The following LSM14A variants were observed in gnomAD, a reference collection of about 807,000 sequenced individuals.
The protein encoded by LSM14A is protein LSM14 homolog A.
Under a neutral mutation model 52.4 loss-of-function variants are expected in LSM14A, and 14 were observed. The ratio of observed to expected loss-of-function variants is 0.27; its 90% CI spans 0.18 to 0.42. The LOEUF (loss-of-function observed/expected upper bound fraction) is 0.42, where lower values mean the gene tolerates loss of function less well. Ranked by LOEUF, LSM14A falls within the 10% of genes least tolerant of loss-of-function variation. The probability of loss-of-function intolerance (pLI) is 1.00; values close to 1 mark genes in which losing one functional copy is unlikely to be tolerated. For synonymous variants in LSM14A, 185 were observed against 200.3 expected (o/e 0.92, Z 0.64); for missense variants, 417 against 581.8 (o/e 0.72, Z 2.91).
chr19:34,184,467 A>G (rs2069738730), intron 1 of LSM14A, among the ~76,000 whole-genome samples: 1 of 152,200 alleles, frequency 6.6e-6, no homozygotes, highest in Non-Finnish European at 1.5e-5. Flanking sequence ...TCAATTATCA[A>G]TTGGAGTAAT....
At chr19:34,207,861 A>G (rs2071824826) in intron 3 of LSM14A, among the ~76,000 whole-genome samples, 1 of 152,138 alleles carries the variant, frequency 6.6e-6, no homozygotes, top group Non-Finnish European at 1.5e-5. Flanking sequence ...ATAAGAACAA[A>G]TAGAATTCAT....
chr19:34,211,987 A>G (rs2072194333), intron 4 of LSM14A, among the ~76,000 whole-genome samples: 1 of 152,208 alleles, frequency 6.6e-6, no homozygotes, highest in Non-Finnish European at 1.5e-5. Flanking sequence ...AATAAAATGT[A>G]GCAATGCAGG....
At chr19:34,175,998 G>A (rs898347642) in intron 1 of LSM14A, among the ~76,000 whole-genome samples, 2 of 151,928 alleles carry the variant, frequency 1.3e-5, no homozygotes, top group African/African-American at 2.4e-5. Context: ...GACTACAGGC[G>A]CCCAACACAG....
chr19:34,219,372 A>G lies in LSM14A; in HGVS notation c.782-19A>G. On this transcript the variant is annotated intron_variant, in intron 6 of 9. Transcript: ENST00000544216. ...ATTACATATTGAATGTCCTTTGTAT[A>G]TATTCTTTATTATCATAGCTCCAGG... 1.3e-6 allele frequency: 2 copies of G among 1,580,518 alleles called. No homozygotes were observed. The highest frequency in any genetic ancestry group is 8.6e-7 in the Non-Finnish European group (1 of 1,159,714).
chr19:34,218,781 G>C (rs1415563285), intron 6 of LSM14A, among the ~76,000 whole-genome samples: 1 of 152,088 alleles, frequency 6.6e-6, no homozygotes, highest in East Asian at 1.9e-4. Context: ...GTAGATACAG[G>C]AAGGCTTGAA....
intron 4 of LSM14A, 119 bp downstream of exon 4, chr19:34,209,170 T>C (rs1212540955): frequency 2.4e-6 from 2 of 844,316 alleles, no homozygotes; most frequent in East Asian, 2.7e-5. Flanking sequence ...TTTGGCTCTT[T>C]TAAAATTTTT....
intron 4 of LSM14A, 64 bp from the exon 5 acceptor site, chr19:34,215,060 T>C (rs1479980577): frequency 1.5e-6 from 2 of 1,363,676 alleles, no homozygotes; most frequent in African/African-American, 2.9e-5. Context: ...ACAATTTTTT[T>C]TAGGGTCTAG....
chr19:34,179,369 G>A (rs117442308), intron 1 of LSM14A, among the ~76,000 whole-genome samples: 2,628 of 152,256 alleles, frequency 0.017, 33 homozygotes, highest in South Asian at 0.034. Context: ...TAAAATACTT[G>A]CGGGGTGCTT....
rs767961625 is a variant in LSM14A, at chr19:34,172,794, C to G, written c.121+31C>G. On this transcript the variant is annotated intron_variant, in intron 1 of 9. Transcript: ENST00000544216. ...CGGGACCGGGCCTCAGGGTGGGGGC[C>G]GAGCCGGGCGCCGCTCGGGGCTGCT... 9.0e-6 allele frequency: 14 copies of G among 1,549,982 alleles called. No homozygotes were observed. The Middle Eastern group carries it at 5.1e-4, about 56-fold the overall frequency.
chr19:34,182,785 A>C (rs1299281516), intron 1 of LSM14A, among the ~76,000 whole-genome samples: 2 of 146,868 alleles, frequency 1.4e-5, no homozygotes, highest in African/African-American at 2.5e-5. Flanking sequence ...CGGAGCTTGC[A>C]GTGAGCCAAG....
chr19:34,187,778 T>C (rs2070041302), intron 1 of LSM14A, among the ~76,000 whole-genome samples: 1 of 152,216 alleles, frequency 6.6e-6, no homozygotes, highest in African/African-American at 2.4e-5. Flanking sequence ...ACAAGTATTA[T>C]ATACACTAAC....
chr19:34,194,745 A>G (rs959761628), intron 2 of LSM14A, 104 bp downstream of exon 2: 1 of 1,019,052 alleles, frequency 9.8e-7, no homozygotes, highest in Non-Finnish European at 1.5e-6. Flanking sequence ...ATCATTTCCA[A>G]GTTACTGGGA....
intron 3 of LSM14A, among the ~76,000 whole-genome samples, chr19:34,201,937 T>C (rs1296964984): frequency 6.6e-6 from 1 of 151,990 alleles, no homozygotes; most frequent in African/African-American, 2.4e-5. Flanking sequence ...TCCTCCCATC[T>C]CAACCTCCCT....
In LSM14A at chr19:34,227,419, T is replaced by G; in HGVS notation, c.*31T>G. ...AAACAAGTCTCTGAAAATAGGTGAA[T>G]TTCTAGCTCTTCATGGTCCTGAACA... On this transcript the variant is annotated 3_prime_UTR_variant, in exon 10 of 10. Transcript: ENST00000544216. 6.5e-7 allele frequency: 1 copy of G among 1,546,578 alleles called. No individual in the cohort carries two copies. Among genetic ancestry groups the G allele is most frequent in the South Asian group, 1.2e-5 (1 of 82,932 alleles).
chr19:34,227,652 TA>T lies in LSM14A; in HGVS notation c.*267del, dbSNP rs1409733743. On this transcript the variant is annotated 3_prime_UTR_variant, in exon 10 of 10. Coordinates refer to ENST00000544216, the MANE Select transcript of LSM14A (RefSeq NM_015578.4). ...AGTAATTTCTTATGTATAGTTAAAC[TA>T]AAGCAGTACTTCAGTGGGACTTAAC... 2.6e-6 allele frequency: 1 copy of T among 380,014 alleles called. No individual in the cohort carries two copies. Among genetic ancestry groups the T allele is most frequent in the East Asian group, 4.2e-5 (1 of 23,712 alleles). 23.5% of individuals were successfully genotyped at this position (380,014 alleles called of 1,614,324 possible). A position where few individuals can be genotyped will look rare whatever the true frequency, so the allele number is the denominator to read the frequency against.
chr19:34,196,809 T>C, intron 3 of LSM14A, 46 bp downstream of exon 3: 1 of 1,520,124 alleles, frequency 6.6e-7, no homozygotes. Flanking sequence ...TATTCTTCCT[T>C]TCTTTACCAC....
Position 34,228,716 on chromosome 19 carries a change from AAATATTTTTATCT to A in LSM14A, c.*1337_*1349del, listed in dbSNP as rs2073460989. 6.5e-6 allele frequency: 1 copy of A among 152,684 alleles called. No homozygotes were observed. The highest frequency in any genetic ancestry group is 2.4e-5 in the African/African-American group (1 of 41,472). 9.5% of individuals were successfully genotyped at this position (152,684 alleles called of 1,614,324 possible). A position where few individuals can be genotyped will look rare whatever the true frequency, so the allele number is the denominator to read the frequency against. The stretch of plus-strand genomic sequence containing the variant: ...ATGGAATAAAAGGATCCAAAGATTT[AAATATTTTTATCT>A]AATATTTTGATTGTTTTCTTAACTT... On this transcript the variant is annotated 3_prime_UTR_variant, in exon 10 of 10. Transcript: ENST00000544216.
intron 4 of LSM14A, among the ~76,000 whole-genome samples, chr19:34,214,075 G>A (rs967160388): frequency 4.3e-4 from 66 of 152,054 alleles, no homozygotes; most frequent in Admixed American, 4.1e-3. Context: ...GAGCAACCGC[G>A]CCCAGCCAAA....
intron 4 of LSM14A, among the ~76,000 whole-genome samples, chr19:34,211,082 C>T (rs1277766326): frequency 2.6e-5 from 4 of 151,744 alleles, no homozygotes; most frequent in African/African-American, 4.8e-5. Context: ...GCAGGCGGAT[C>T]GCCTGAGGTC....
Sources: allele counts gnomAD v4.1 joint callset (sites outside exome capture counted in the v4.1 genomes callset), GRCh38; gene constraint gnomAD v4.1.1; transcripts MANE v1.5; gene names NCBI Gene and HGNC (gene_info 2026-07-23, HGNC 2026-07-21).